Variants in IGLL5 observed in about 807,000 individuals in gnomAD.
The protein encoded by IGLL5 is immunoglobulin lambda like polypeptide 5.
A neutral mutation model predicts 20.9 loss-of-function variants in IGLL5; 30 were observed. That is an observed-to-expected ratio of 1.44 (90% CI 1.07 to 1.95). IGLL5 has a LOEUF of 1.95. Among genes scored for constraint, IGLL5 ranks in the 30% most tolerant of loss-of-function variants. The pLI, the probability that IGLL5 is intolerant of heterozygous loss-of-function variation, is 0.00. For missense variants in IGLL5, 475 were observed against 270.7 expected (o/e 1.75, Z -5.30); for synonymous variants, 203 against 117.3 (o/e 1.73, Z -4.72).
At chr22:22,888,427 G>T (rs1601600631) in intron 1 of IGLL5, among the ~76,000 whole-genome samples, 168 bp downstream of exon 1, 4 of 151,406 alleles carry the variant, frequency 2.6e-5, no homozygotes, top group Middle Eastern at 3.7e-3. Context: ...TCACAGATTT[G>T]TTTGAATTAC....
At chr22:22,894,641 A>T (rs567357132) in intron 2 of IGLL5, among the ~76,000 whole-genome samples, 1 of 150,154 alleles carries the variant, frequency 6.7e-6, no homozygotes, top group African/African-American at 2.4e-5. Context: ...CATGGCTACC[A>T]GGTGAAGTTT....
chr22:22,888,690 A>T (rs532248105), intron 1 of IGLL5, among the ~76,000 whole-genome samples: 2 of 151,288 alleles, frequency 1.3e-5, no homozygotes, highest in East Asian at 2.0e-4. Context: ...CACTCCCTGG[A>T]GAAGGCAGCA....
chr22:22,892,073 T>C (rs2067865579), intron 1 of IGLL5, among the ~76,000 whole-genome samples: 1 of 151,268 alleles, frequency 6.6e-6, no homozygotes, highest in African/African-American at 2.4e-5. Context: ...CTAGACAACC[T>C]TGCCTTGTTT....
intron 1 of IGLL5, among the ~76,000 whole-genome samples, chr22:22,889,716 T>C (rs566545952): frequency 1.3e-5 from 2 of 151,286 alleles, no homozygotes; most frequent in Non-Finnish European, 2.9e-5. Flanking sequence ...GCCTCCTGAG[T>C]AGCTAGGACT....
Position 22,888,482 on chromosome 22 carries a change from GTTTTCT to G in IGLL5, c.206+224_206+229del. On this transcript the variant is annotated intron_variant, in intron 1 of 2. Coordinates refer to ENST00000526893, the MANE Select transcript of IGLL5 (RefSeq NM_001178126.2). ...CGATATTATTTTTCTTGATTTCTGAGTTTTCTGGCGCCACTTAAATTTTCACCAGGG... is the reference window on the plus strand; with the variant it reads ...CGATATTATTTTTCTTGATTTCTGAGGGCGCCACTTAAATTTTCACCAGGG... Among the ~76,000 whole-genome samples, 2 of 151,382 alleles carry G rather than the reference GTTTTCT, an allele frequency of 1.3e-5. 1 individual carries two copies. The highest frequency in any genetic ancestry group is 4.8e-5 in the African/African-American group (2 of 41,320).
rs1208368137 is a variant in IGLL5 at position 22,895,874 on chromosome 22, G to A, written c.*180G>A. The A allele has an allele frequency of 4.5e-5, 31 of 688,526 alleles. No homozygotes were observed. Among genetic ancestry groups the A allele is most frequent in the Non-Finnish European group, 5.0e-6 (2 of 396,548 alleles). The allele number at this position is 688,526 out of a possible 1,614,324, so 42.7% of individuals were successfully genotyped here. A position where few individuals can be genotyped will look rare whatever the true frequency, so the allele number is the denominator to read the frequency against. On this transcript the variant is annotated 3_prime_UTR_variant, in exon 3 of 3. Coordinates refer to ENST00000526893, the MANE Select transcript of IGLL5 (RefSeq NM_001178126.2). ...ATTTTTTTTCTCACATAAATTGCTA[G>A]CCTCCCCGGGGTTCTCAGTGTGGGG...
At chr22:22,889,556 A>C in intron 1 of IGLL5, among the ~76,000 whole-genome samples, 1 of 151,194 alleles carries the variant, frequency 6.6e-6, no homozygotes, top group Admixed American at 6.6e-5. Context: ...TCTACCAGAA[A>C]GGGTGTGAAA....
Position 22,888,224 on chromosome 22 carries a change from A to C in IGLL5, c.171A>C (p.Gly57=), listed in dbSNP as rs115653109. Residue 57 remains glycine, a synonymous_variant, in exon 1 of 3, where the codon GGA becomes GGC. Transcript: ENST00000526893. ...ACCCAGACCCTGGAGCCTCAGTTGG[A>C]AGCAGCCGATCCAGCCTGCGGAGCC... ...SGDPDPGASV[G]SSRSSLRSLW... 3 of 1,548,156 alleles carry C rather than the reference A, an allele frequency of 1.9e-6. No homozygotes were observed. Among genetic ancestry groups the C allele is most frequent in the African/African-American group, 1.4e-5 (1 of 72,838 alleles).
chr22:22,888,295 CTGCAGCAGAGCTGG>C, intron 1 of IGLL5, 36 bp downstream of exon 1: 1 of 1,536,848 alleles, frequency 6.5e-7, no homozygotes, highest in Non-Finnish European at 8.8e-7. Context: ...TGTGGGGGTC[CTGCAGCAGAGCTGG>C]GAAAGGGTGA....
rs376698002 is a variant in IGLL5 at position 22,893,037 on chromosome 22, C to A, written c.207-663C>A. Among the ~76,000 whole-genome samples the A allele has an allele frequency of 7.9e-5, 12 of 151,166 alleles. No homozygotes were observed. In the East Asian group the frequency reaches 2.4e-3, roughly 31 times the overall value. On this transcript the variant is annotated intron_variant, in intron 1 of 2. Transcript: ENST00000526893. ...TTTGAGGGAGAGATGAGGCTGAGAG[C>A]CAGGGGATCCTGCCATGTCCCAGCA...
intron 1 of IGLL5, among the ~76,000 whole-genome samples, chr22:22,892,678 A>C (rs1359111684): frequency 1.3e-5 from 2 of 150,904 alleles, no homozygotes; most frequent in African/African-American, 4.9e-5. Flanking sequence ...TAGGTTGAGG[A>C]GGCAGAATAT....
chr22:22,887,964 C>G lies in IGLL5; in HGVS notation c.-90C>G, dbSNP rs527245901. ...GCCAATGGACTGGGGTGTACTGTAA[C>G]AGCCCTGCTGGCGAGAGGGACCAGG... On this transcript the variant is annotated 5_prime_UTR_variant, in exon 1 of 3. Coordinates refer to ENST00000526893, the MANE Select transcript of IGLL5 (RefSeq NM_001178126.2). 4 of 1,034,530 alleles carry G rather than the reference C, an allele frequency of 3.9e-6. No individual in the cohort carries two copies. The highest frequency in any genetic ancestry group is 2.0e-5 in the Admixed American group (1 of 50,142). 64.1% of individuals were successfully genotyped at this position (1,034,530 alleles called of 1,614,324 possible). A position where few individuals can be genotyped will look rare whatever the true frequency, so the allele number is the denominator to read the frequency against.
At chr22:22,890,165 CAA>C (rs112765694) in intron 1 of IGLL5, among the ~76,000 whole-genome samples, 4 of 106,492 alleles carry the variant, frequency 3.8e-5, no homozygotes, top group Admixed American at 9.7e-5. Flanking sequence ...TTTTTCTTGC[CAA>C]AAAAAAAAAA....
At chr22:22,889,064 G>T (rs527586028) in intron 1 of IGLL5, among the ~76,000 whole-genome samples, 1 of 151,332 alleles carries the variant, frequency 6.6e-6, no homozygotes, top group South Asian at 2.1e-4. Flanking sequence ...CGAGTCCTTG[G>T]ATGGATTTAG....
intron 2 of IGLL5, among the ~76,000 whole-genome samples, chr22:22,894,336 G>A (rs2068018404): frequency 6.6e-6 from 1 of 151,410 alleles, no homozygotes; most frequent in African/African-American, 2.4e-5. Context: ...ACCAATGGAG[G>A]GCACAGAGAG....
intron 2 of IGLL5, among the ~76,000 whole-genome samples, 158 bp downstream of exon 2, chr22:22,893,976 G>T (rs1408255061): frequency 2.0e-5 from 3 of 151,240 alleles, no homozygotes; most frequent in East Asian, 2.0e-4. Context: ...TTAGTCTCCG[G>T]GTAACCGGCA....
intron 2 of IGLL5, 85 bp downstream of exon 2, chr22:22,893,903 C>T (rs149959642): frequency 5.4e-6 from 5 of 927,702 alleles, no homozygotes; most frequent in East Asian, 2.4e-5. Context: ...GCTTCCTCCC[C>T]TCTGTCCTCC....
intron 2 of IGLL5, among the ~76,000 whole-genome samples, chr22:22,894,208 T>G (rs1601624552): frequency 6.6e-6 from 1 of 151,100 alleles, no homozygotes; most frequent in African/African-American, 2.4e-5. Context: ...AGCTGCTGAG[T>G]CTCATAGTCT....
intron 2 of IGLL5, 61 bp downstream of exon 2, chr22:22,893,879 T>C (rs185744412): frequency 1.5e-5 from 18 of 1,169,192 alleles, no homozygotes; most frequent in East Asian, 4.7e-5. Context: ...GAAAATCTGT[T>C]TTCTCTCTCT....
Sources: gnomAD v4.1 joint callset for allele counts (sites outside exome capture counted in the v4.1 genomes callset) on GRCh38, gnomAD v4.1.1 for gene constraint, MANE v1.5 for transcripts, NCBI Gene and HGNC (gene_info 2026-07-23, HGNC 2026-07-21) for gene names.